Variants in TBC1D22A observed in about 807,000 individuals in gnomAD.
TBC1D22A encodes putative GTPase activator.
TBC1D22A carries 38 observed loss-of-function variants against 60.2 expected under a neutral mutation model. The ratio of observed to expected loss-of-function variants is 0.63; its 90% CI spans 0.49 to 0.83. The LOEUF (loss-of-function observed/expected upper bound fraction) is 0.83, where lower values mean the gene tolerates loss of function less well. Among genes scored for constraint, TBC1D22A ranks in the 40% least tolerant of loss-of-function variants. The pLI is 0.00. For missense variants in TBC1D22A, 628 were observed against 701.0 expected, an observed-to-expected ratio of 0.90 and a Z score of 1.18; for synonymous variants, 302 against 281.7, an observed-to-expected ratio of 1.07 and a Z score of -0.72.
chr22:46,896,998 G>A (rs2068712956), intron 7 of TBC1D22A, among the ~76,000 whole-genome samples: 1 of 152,138 alleles, frequency 6.6e-6, no homozygotes, highest in South Asian at 2.1e-4. Flanking sequence ...TCATTTTTGT[G>A]AATGTGCTAG....
At chr22:47,052,311 A>G (rs1272776010) in intron 11 of TBC1D22A, among the ~76,000 whole-genome samples, 1 of 152,212 alleles carries the variant, frequency 6.6e-6, no homozygotes, top group Admixed American at 6.5e-5. Context: ...CCCATCGGCC[A>G]TGCGGCCTGT....
At chr22:46,868,146 A>AT (rs1343203413) in intron 4 of TBC1D22A, among the ~76,000 whole-genome samples, 7 of 152,128 alleles carry the variant, frequency 4.6e-5, no homozygotes, top group South Asian at 2.1e-4. Flanking sequence ...GGTAGGTCAT[A>AT]TTTTTTACTG....
At chr22:47,066,462 C>G (rs2063777218) in intron 11 of TBC1D22A, among the ~76,000 whole-genome samples, 1 of 152,224 alleles carries the variant, frequency 6.6e-6, no homozygotes, top group Admixed American at 6.5e-5. Flanking sequence ...CACAGTATAT[C>G]ATGGCTCAGC....
intron 12 of TBC1D22A, among the ~76,000 whole-genome samples, chr22:47,143,441 G>A (rs1250851206): frequency 1.3e-5 from 2 of 152,230 alleles, no homozygotes; most frequent in African/African-American, 2.4e-5. Flanking sequence ...TGCCGCGCTG[G>A]CTAGCTAATG....
At chr22:47,004,514 C>T (rs1217135245) in intron 10 of TBC1D22A, among the ~76,000 whole-genome samples, 1 of 150,982 alleles carries the variant, frequency 6.6e-6, no homozygotes, top group Non-Finnish European at 1.5e-5. Context: ...CACTACTTCA[C>T]ATATGCCTAT....
intron 8 of TBC1D22A, among the ~76,000 whole-genome samples, chr22:46,946,430 A>T (rs570958240): frequency 6.3e-4 from 96 of 152,316 alleles, no homozygotes; most frequent in African/African-American, 2.2e-3. Flanking sequence ...GGTGAGCCTC[A>T]GTGACTCTCC....
intron 10 of TBC1D22A, among the ~76,000 whole-genome samples, chr22:47,003,215 A>C (rs1367136983): frequency 6.6e-6 from 1 of 152,102 alleles, no homozygotes; most frequent in Non-Finnish European, 1.5e-5. Flanking sequence ...TTCAGAGTTC[A>C]CTGATTCTTC....
At chr22:46,923,928 GT>G in intron 8 of TBC1D22A, among the ~76,000 whole-genome samples, 1 of 151,988 alleles carries the variant, frequency 6.6e-6, no homozygotes, top group Admixed American at 6.5e-5. Context: ...TTTTCTTTTA[GT>G]TTTTCTTTCC....
At chr22:46,852,300 A>G (rs765832125) in intron 4 of TBC1D22A, among the ~76,000 whole-genome samples, 74 of 152,216 alleles carry the variant, frequency 4.9e-4, no homozygotes, top group Non-Finnish European at 8.5e-4. Context: ...CCCGGCCCGC[A>G]GAGAACTTTA....
At chr22:47,131,814 C>T (rs561544349) in intron 12 of TBC1D22A, among the ~76,000 whole-genome samples, 7 of 152,324 alleles carry the variant, frequency 4.6e-5, no homozygotes, top group African/African-American at 1.7e-4. Context: ...TCCTTGAGAG[C>T]GATCCCACAT....
intron 5 of TBC1D22A, among the ~76,000 whole-genome samples, chr22:46,881,514 C>G (rs561793248): frequency 5.3e-5 from 8 of 152,182 alleles, no homozygotes; most frequent in Non-Finnish European, 7.4e-5. Context: ...GAGTGCTTGC[C>G]GTGCGTCAGA....
At chr22:47,160,931 C>T (rs534031251) in intron 12 of TBC1D22A, among the ~76,000 whole-genome samples, 4 of 144,934 alleles carry the variant, frequency 2.8e-5, no homozygotes, top group African/African-American at 7.4e-5. Context: ...TTCCACCCTC[C>T]TGCGGTTTAG....
chr22:46,996,347 A>C (rs1227367309), intron 9 of TBC1D22A, among the ~76,000 whole-genome samples: 1 of 152,246 alleles, frequency 6.6e-6, no homozygotes, highest in Non-Finnish European at 1.5e-5. Flanking sequence ...GTCATCTCCC[A>C]GTGCTGGCCG....
At chr22:47,097,594 G>C (rs1296976568) in intron 11 of TBC1D22A, among the ~76,000 whole-genome samples, 2 of 151,606 alleles carry the variant, frequency 1.3e-5, no homozygotes, top group Non-Finnish European at 2.9e-5. Flanking sequence ...CTGGGCGAGA[G>C]AGCAAGAGTC....
At chr22:47,155,701 C>CT (rs1569476265) in intron 12 of TBC1D22A, among the ~76,000 whole-genome samples, 15 of 148,566 alleles carry the variant, frequency 1.0e-4, no homozygotes, top group African/African-American at 3.0e-4. Flanking sequence ...CGTTCTCCCA[C>CT]GGTCTCCTGT....
intron 12 of TBC1D22A, among the ~76,000 whole-genome samples, chr22:47,156,879 C>T (rs1479072367): frequency 2.0e-5 from 3 of 152,246 alleles, no homozygotes; most frequent in East Asian, 1.9e-4. Context: ...ACCCATTTGC[C>T]GTCTCCTTCT....
intron 11 of TBC1D22A, among the ~76,000 whole-genome samples, chr22:47,082,696 C>G (rs1269205523): frequency 6.6e-6 from 1 of 152,216 alleles, no homozygotes; most frequent in Non-Finnish European, 1.5e-5. Context: ...TACACGCCCT[C>G]CTTAATGGCT....
At chr22:46,999,590 G>C (rs779843697) in intron 10 of TBC1D22A, among the ~76,000 whole-genome samples, 6 of 152,132 alleles carry the variant, frequency 3.9e-5, no homozygotes, top group Non-Finnish European at 7.4e-5. Flanking sequence ...TGCAGGTCTC[G>C]GCCACGTGAA....
intron 10 of TBC1D22A, among the ~76,000 whole-genome samples, chr22:47,024,662 T>C (rs905505064): frequency 6.6e-5 from 10 of 152,124 alleles, no homozygotes; most frequent in Non-Finnish European, 1.3e-4. Context: ...GGAACCAGCC[T>C]GGGCAACATG....
Sources: allele counts gnomAD v4.1 joint callset (sites outside exome capture counted in the v4.1 genomes callset), GRCh38; gene constraint gnomAD v4.1.1; transcripts MANE v1.5; gene names NCBI Gene and HGNC (gene_info 2026-07-23, HGNC 2026-07-21).